The following UNC13C variants were observed in gnomAD, a reference collection of about 807,000 sequenced individuals.
UNC13C encodes the protein unc-13 homolog C, also known as protein unc-13 homolog C.
A neutral mutation model predicts 245.4 loss-of-function variants in UNC13C; 174 were observed. The ratio of observed to expected loss-of-function variants is 0.71; its 90% CI spans 0.63 to 0.80. The LOEUF is 0.80. UNC13C is among the 30% of genes least tolerant of loss of function. The pLI is 0.00. For synonymous variants in UNC13C, 992 were observed against 895.1 expected, an observed-to-expected ratio of 1.11 and a Z score of -1.93; for missense variants, 2,829 against 2,602.9, an observed-to-expected ratio of 1.09 and a Z score of -1.89.
At chr15:54,263,146 C>T (rs983834864) in intron 8 of UNC13C, among the ~76,000 whole-genome samples, 1 of 152,112 alleles carries the variant, frequency 6.6e-6, no homozygotes, top group African/African-American at 2.4e-5. Context: ...AACTTACAGT[C>T]ATGTCAAAGA....
chr15:54,150,843 A>C (rs2032482931), intron 4 of UNC13C, among the ~76,000 whole-genome samples: 1 of 152,226 alleles, frequency 6.6e-6, no homozygotes, highest in South Asian at 2.1e-4. Flanking sequence ...CTATATTCCC[A>C]ACCAGGCTTA....
the UNC13C span, among the ~76,000 whole-genome samples, chr15:53,968,512 G>A: frequency 6.6e-6 from 1 of 152,082 alleles, no homozygotes; most frequent in South Asian, 2.1e-4. Context: ...AGGAAAGGGG[G>A]TTCTTAGTAT....
downstream of UNC13C, chr15:54,631,751 T>C (rs1366850127): frequency 6.6e-6 from 1 of 152,230 alleles, no homozygotes; most frequent in Non-Finnish European, 1.5e-5. Context: ...CACCACTTAC[T>C]ACACTTACCT....
At chr15:53,878,266 A>G in the UNC13C span, among the ~76,000 whole-genome samples, 1 of 152,154 alleles carries the variant, frequency 6.6e-6, no homozygotes, top group African/African-American at 2.4e-5. Flanking sequence ...GCCAAACCTC[A>G]AACCAAAGCT....
At chr15:54,291,971 C>T (rs1476326744) in intron 10 of UNC13C, among the ~76,000 whole-genome samples, 2 of 151,962 alleles carry the variant, frequency 1.3e-5, no homozygotes, top group East Asian at 3.9e-4. Context: ...CACTGGCTTT[C>T]ACTGTTGATA....
At chr15:54,520,431 T>C (rs1394688149) in intron 24 of UNC13C, among the ~76,000 whole-genome samples, 1 of 152,142 alleles carries the variant, frequency 6.6e-6, no homozygotes, top group Non-Finnish European at 1.5e-5. Flanking sequence ...AAGTGGAAGT[T>C]TACTAGGTAC....
upstream of UNC13C, chr15:53,974,863 T>TG (rs1893648010): frequency 6.6e-6 from 1 of 152,222 alleles, no homozygotes; most frequent in Admixed American, 6.5e-5. Flanking sequence ...GCATTTAGCA[T>TG]GTCAGCAGTG....
the UNC13C span, among the ~76,000 whole-genome samples, chr15:53,876,076 C>T: frequency 1.3e-5 from 2 of 152,152 alleles, no homozygotes; most frequent in African/African-American, 4.8e-5. Context: ...ATACTCTCTC[C>T]TGTTTAAGAT....
intron 2 of UNC13C, among the ~76,000 whole-genome samples, chr15:54,098,192 T>A (rs1470998252): frequency 1.3e-5 from 2 of 152,258 alleles, no homozygotes; most frequent in Admixed American, 6.5e-5. Context: ...TATTTTATTT[T>A]GAGATGGAGT....
chr15:53,839,716 AT>A, the UNC13C span, among the ~76,000 whole-genome samples: 16 of 151,130 alleles, frequency 1.1e-4, no homozygotes, highest in East Asian at 1.6e-3. Flanking sequence ...GGTGCTTTCC[AT>A]TTTTTTTCCC....
chr15:54,451,279 G>A (rs1891159741), intron 19 of UNC13C, among the ~76,000 whole-genome samples: 1 of 152,046 alleles, frequency 6.6e-6, no homozygotes, highest in Non-Finnish European at 1.5e-5. Flanking sequence ...TTTTTGGGGT[G>A]TAGTATTTTT....
intron 13 of UNC13C, among the ~76,000 whole-genome samples, chr15:54,315,283 C>A (rs1383686077): frequency 6.6e-6 from 1 of 151,646 alleles, no homozygotes; most frequent in African/African-American, 2.4e-5. Flanking sequence ...CCTCTTAGTG[C>A]AAACTCCTGT....
intron 10 of UNC13C, among the ~76,000 whole-genome samples, chr15:54,275,683 G>A (rs74957263): frequency 1.1e-4 from 17 of 152,070 alleles, no homozygotes; most frequent in Non-Finnish European, 2.5e-4. Flanking sequence ...ACTAAGTGTT[G>A]GTGAGAATTC....
intron 1 of UNC13C, among the ~76,000 whole-genome samples, chr15:53,990,293 C>A (rs1008743784): frequency 6.6e-6 from 1 of 151,882 alleles, no homozygotes; most frequent in Non-Finnish European, 1.5e-5. Context: ...ATGGGATCAT[C>A]GATGAAGAAG....
chr15:54,190,287 AG>A (rs2034139186), intron 4 of UNC13C, among the ~76,000 whole-genome samples: 2 of 152,288 alleles, frequency 1.3e-5, no homozygotes, highest in African/African-American at 2.4e-5. Context: ...TGCTTAAAAA[AG>A]TTTAACAAGA....
chr15:54,060,347 G>C (rs1287690308), intron 2 of UNC13C, among the ~76,000 whole-genome samples: 4 of 152,138 alleles, frequency 2.6e-5, no homozygotes, highest in Non-Finnish European at 2.9e-5. Flanking sequence ...CATTTATGCA[G>C]CCAACAGACA....
intron 22 of UNC13C, among the ~76,000 whole-genome samples, chr15:54,503,689 T>A (rs1281071084): frequency 1.3e-5 from 2 of 152,158 alleles, no homozygotes; most frequent in Non-Finnish European, 2.9e-5. Flanking sequence ...ATAATTTGTA[T>A]TTTATATAAC....
chr15:53,930,206 C>G, the UNC13C span, among the ~76,000 whole-genome samples: 1 of 152,266 alleles, frequency 6.6e-6, no homozygotes, highest in South Asian at 2.1e-4. Flanking sequence ...CTTCACATGG[C>G]CCCTTTCTTC....
chr15:54,254,940 C>T (rs1225489711), intron 8 of UNC13C, among the ~76,000 whole-genome samples: 1 of 152,180 alleles, frequency 6.6e-6, no homozygotes, highest in Non-Finnish European at 1.5e-5. Context: ...CCGCCATCTA[C>T]AGCCAACCGC....
Sources: allele counts gnomAD v4.1 joint callset (sites outside exome capture counted in the v4.1 genomes callset), GRCh38; gene constraint gnomAD v4.1.1; transcripts MANE v1.5; gene names NCBI Gene and HGNC (gene_info 2026-07-23, HGNC 2026-07-21).